Variants in BBS9 observed in about 807,000 individuals in gnomAD.
BBS9 encodes Bardet-Biedl syndrome 9, also known as protein PTHB1.
Under a neutral mutation model 117.7 loss-of-function variants are expected in BBS9, and 89 were observed. That is an observed-to-expected ratio of 0.76 (90% CI 0.64 to 0.90). The LOEUF is 0.90. Ranked by LOEUF, BBS9 falls within the 40% of genes least tolerant of loss-of-function variation. The pLI is 0.00. For missense variants in BBS9, 982 were observed against 1,042.2 expected, an observed-to-expected ratio of 0.94 and a Z score of 0.80; for synonymous variants, 379 against 370.9, an observed-to-expected ratio of 1.02 and a Z score of -0.25.
At chr7:33,225,302 A>G (rs1029937163) in intron 5 of BBS9, among the ~76,000 whole-genome samples, 9 of 152,078 alleles carry the variant, frequency 5.9e-5, no homozygotes, top group African/African-American at 2.2e-4. Context: ...GGCTGAAGTG[A>G]TCCTCCCGCC....
intron 20 of BBS9, among the ~76,000 whole-genome samples, chr7:33,530,771 T>C (rs1850454576): frequency 6.6e-6 from 1 of 152,208 alleles, no homozygotes; most frequent in Non-Finnish European, 1.5e-5. Flanking sequence ...CTTGAATCTG[T>C]TGAAAGGATT....
At chr7:33,319,978 C>T (rs1039134768) in intron 9 of BBS9, among the ~76,000 whole-genome samples, 1 of 152,076 alleles carries the variant, frequency 6.6e-6, no homozygotes, top group Non-Finnish European at 1.5e-5. Context: ...TTTTTGTGGG[C>T]ACACTGTAGC....
intron 9 of BBS9, among the ~76,000 whole-genome samples, chr7:33,332,726 AC>A (rs1814394431): frequency 6.6e-6 from 1 of 152,080 alleles, no homozygotes; most frequent in Non-Finnish European, 1.5e-5. Context: ...AAAAAGAAAA[AC>A]AAGATTGAAG....
intron 20 of BBS9, among the ~76,000 whole-genome samples, chr7:33,519,049 G>T (rs1848228022): frequency 6.6e-6 from 1 of 151,840 alleles, no homozygotes; most frequent in Admixed American, 6.6e-5. Flanking sequence ...TGAAGTTTCT[G>T]GGTGGTCCTG....
intron 1 of BBS9, among the ~76,000 whole-genome samples, chr7:33,137,708 T>C (rs1790745668): frequency 6.7e-6 from 1 of 148,500 alleles, no homozygotes; most frequent in African/African-American, 2.6e-5. Context: ...ATGATGACTA[T>C]TGATTATCAG....
At chr7:33,172,450 G>T (rs1262998221) in intron 4 of BBS9, among the ~76,000 whole-genome samples, 1 of 151,332 alleles carries the variant, frequency 6.6e-6, no homozygotes, top group South Asian at 2.1e-4. Flanking sequence ...CACCTATGCA[G>T]ACCCCCAAAT....
intron 19 of BBS9, among the ~76,000 whole-genome samples, chr7:33,478,875 G>GTTTTTTTTTT (rs10716942): frequency 1.5e-5 from 2 of 130,170 alleles, no homozygotes; most frequent in Non-Finnish European, 1.6e-5. Flanking sequence ...ATGTTAGTGG[G>GTTTTTTTTTT]TTTTTTTTTT....
intron 5 of BBS9, among the ~76,000 whole-genome samples, chr7:33,241,169 TGTG>T (rs1379690404): frequency 6.6e-6 from 1 of 152,136 alleles, no homozygotes; most frequent in Non-Finnish European, 1.5e-5. Flanking sequence ...TGGTGGCTAT[TGTG>T]AATGAAATCT....
chr7:33,316,793 G>A (rs1810604825), intron 9 of BBS9, among the ~76,000 whole-genome samples: 1 of 152,082 alleles, frequency 6.6e-6, no homozygotes, highest in Non-Finnish European at 1.5e-5. Context: ...ATGAAAATTT[G>A]TTTAGTGAAT....
intron 5 of BBS9, among the ~76,000 whole-genome samples, chr7:33,186,166 G>A (rs1394067669): frequency 6.6e-6 from 1 of 152,172 alleles, no homozygotes; most frequent in Non-Finnish European, 1.5e-5. Flanking sequence ...TGAATTATAA[G>A]GGGATCGTGA....
At chr7:33,464,351 G>A (rs534644495) in intron 19 of BBS9, among the ~76,000 whole-genome samples, 54 of 152,070 alleles carry the variant, frequency 3.6e-4, no homozygotes, top group African/African-American at 1.2e-3. Context: ...TTACTCCCTG[G>A]CTTTATTTTC....
intron 21 of BBS9, among the ~76,000 whole-genome samples, chr7:33,632,989 G>A (rs1264732973): frequency 6.6e-6 from 1 of 152,136 alleles, no homozygotes; most frequent in East Asian, 1.9e-4. Flanking sequence ...GTGAGTGGTC[G>A]GCACTCTAAC....
chr7:33,559,265 A>T (rs944361542), intron 21 of BBS9, among the ~76,000 whole-genome samples: 1 of 152,226 alleles, frequency 6.6e-6, no homozygotes, highest in African/African-American at 2.4e-5. Flanking sequence ...ATAATTGCTC[A>T]GAAACCGCAG....
At chr7:33,527,442 G>A (rs1415186945) in intron 20 of BBS9, among the ~76,000 whole-genome samples, 6 of 152,164 alleles carry the variant, frequency 3.9e-5, no homozygotes, top group Admixed American at 2.0e-4. Context: ...GTGGGATATA[G>A]TCTCGTGGTG....
intron 21 of BBS9, among the ~76,000 whole-genome samples, chr7:33,574,784 T>C (rs922887345): frequency 1.3e-5 from 2 of 150,870 alleles, no homozygotes; most frequent in Non-Finnish European, 2.9e-5. Flanking sequence ...GTGTAAACTA[T>C]ATAGAGAGAG....
At chr7:33,519,977 G>T (rs570505732) in intron 20 of BBS9, among the ~76,000 whole-genome samples, 14 of 151,022 alleles carry the variant, frequency 9.3e-5, no homozygotes, top group Admixed American at 7.9e-4. Context: ...AATAATATTT[G>T]TAAGATTCTC....
At chr7:33,332,788 G>A (rs1322361914) in intron 9 of BBS9, among the ~76,000 whole-genome samples, 1 of 152,104 alleles carries the variant, frequency 6.6e-6, no homozygotes, top group Non-Finnish European at 1.5e-5. Flanking sequence ...TCTTGATACA[G>A]CTTTTTGAAA....
intron 15 of BBS9, among the ~76,000 whole-genome samples, chr7:33,356,465 C>T (rs1049650204): frequency 6.6e-6 from 1 of 151,688 alleles, no homozygotes; most frequent in African/African-American, 2.4e-5. Flanking sequence ...TTAAGAGACA[C>T]CAGTTGTAAT....
chr7:33,538,147 A>G (rs1851752055), intron 21 of BBS9, among the ~76,000 whole-genome samples: 1 of 152,230 alleles, frequency 6.6e-6, no homozygotes, highest in Non-Finnish European at 1.5e-5. Flanking sequence ...TTCACATGTC[A>G]TAATGGGCCG....
Sources: gnomAD v4.1 joint callset for allele counts (sites outside exome capture counted in the v4.1 genomes callset) on GRCh38, gnomAD v4.1.1 for gene constraint, MANE v1.5 for transcripts, NCBI Gene and HGNC (gene_info 2026-07-23, HGNC 2026-07-21) for gene names.